Variants in LEKR1 observed in about 807,000 individuals in gnomAD.
The protein encoded by LEKR1 is protein LEKR1.
LEKR1 carries 59 observed loss-of-function variants against 72.4 expected under a neutral mutation model. That is an observed-to-expected ratio of 0.82 (90% CI 0.66 to 1.01). LEKR1 has a LOEUF of 1.01. Among genes scored for constraint, LEKR1 ranks in the 50% least tolerant of loss-of-function variants. The pLI is 0.00. For missense variants in LEKR1, 728 were observed against 759.2 expected (o/e 0.96, Z 0.48); for synonymous variants, 257 against 263.2 (o/e 0.98, Z 0.23).
chr3:156,894,271 T>C lies in LEKR1; in HGVS notation c.264-26304T>C, dbSNP rs149440433. ...TTGCTGATACTTTCTGATACCCTAT[T>C]GAAGTGAACAACACTTTAAATAAAA... On this transcript the variant is annotated intron_variant, in intron 3 of 12. Transcript: ENST00000356539. Among the ~76,000 whole-genome samples, 437 of 152,280 alleles carry C rather than the reference T, an allele frequency of 2.9e-3. 1 individual carries two copies. Among genetic ancestry groups the C allele is most frequent in the African/African-American group, 0.01 (416 of 41,554 alleles).
rs1724831112 is a variant in LEKR1 at position 156,927,519 on chromosome 3, A to T, written c.474A>T (p.Glu158Asp). Residue 158 changes from glutamate (E) to aspartate (D), a missense_variant, in exon 5 of 13, where the codon GAA becomes GAT. Glu to Asp is a conservative substitution (Grantham distance 45). Transcript: ENST00000356539. ...GGGAACTAACCAGTATTAAAAATGAAGTATATGATAATTACCAAAACTGGA... is the reference window on the plus strand; with the variant it reads ...GGGAACTAACCAGTATTAAAAATGATGTATATGATAATTACCAAAACTGGA... ...TKRELTSIKN[E>D]VYDNYQNWTS... 8.2e-7 allele frequency: 1 copy of T among 1,216,610 alleles called. No individual in the cohort carries two copies. Among genetic ancestry groups the T allele is most frequent in the Admixed American group, 3.1e-5 (1 of 32,356 alleles). 75.4% of individuals were successfully genotyped at this position (1,216,610 alleles called of 1,614,324 possible).
chr3:157,000,871 A>T (rs1019782124), intron 9 of LEKR1, among the ~76,000 whole-genome samples: 2 of 152,190 alleles, frequency 1.3e-5, no homozygotes, highest in Admixed American at 6.5e-5. Flanking sequence ...AGGTGGAGGT[A>T]ATTGAATCGT....
chr3:156,852,185 G>C (rs1715450471), intron 2 of LEKR1: 1 of 152,140 alleles, frequency 6.6e-6, no homozygotes, highest in Non-Finnish European at 1.5e-5. Flanking sequence ...TCTGTAAAAT[G>C]GGTATAACCG....
chr3:156,848,700 A>G (rs921133135), intron 2 of LEKR1, among the ~76,000 whole-genome samples: 4 of 152,186 alleles, frequency 2.6e-5, no homozygotes, highest in African/African-American at 4.8e-5. Context: ...GTGATATGAC[A>G]TGCTGTGGAG....
intron 9 of LEKR1, among the ~76,000 whole-genome samples, chr3:157,008,426 T>A (rs888664555): frequency 6.6e-6 from 1 of 152,248 alleles, no homozygotes; most frequent in Admixed American, 6.5e-5. Context: ...GTAGATACAT[T>A]GAAGGTTTGT....
intron 6 of LEKR1, among the ~76,000 whole-genome samples, chr3:156,975,798 A>T (rs2107996014): frequency 6.6e-6 from 1 of 152,316 alleles, no homozygotes; most frequent in African/African-American, 2.4e-5. Flanking sequence ...TTACTGTTGT[A>T]AATTTTTTAT....
intron 9 of LEKR1, among the ~76,000 whole-genome samples, chr3:157,001,700 C>G (rs1213947856): frequency 6.6e-6 from 1 of 152,158 alleles, no homozygotes; most frequent in Non-Finnish European, 1.5e-5. Flanking sequence ...ATATGCAAAG[C>G]AAAGACAGCA....
chr3:156,889,706 G>T (rs988315459), intron 3 of LEKR1, among the ~76,000 whole-genome samples: 2 of 152,124 alleles, frequency 1.3e-5, no homozygotes, highest in African/African-American at 4.8e-5. Context: ...AACATTTGTG[G>T]TTTTTAGCTG....
At chr3:157,028,610 G>A (rs1244133836) in intron 12 of LEKR1, among the ~76,000 whole-genome samples, 1 of 152,054 alleles carries the variant, frequency 6.6e-6, no homozygotes, top group African/African-American at 2.4e-5. Context: ...CTCCAGACCT[G>A]GCTTTCCTGT....
At chr3:156,929,162 AC>A (rs1361750260) in intron 5 of LEKR1, among the ~76,000 whole-genome samples, 1 of 151,796 alleles carries the variant, frequency 6.6e-6, no homozygotes, top group African/African-American at 2.4e-5. Context: ...CACTGGATGG[AC>A]TTTTTTTTTT....
At chr3:156,934,000 A>G (rs1725480596) in intron 5 of LEKR1, among the ~76,000 whole-genome samples, 1 of 152,240 alleles carries the variant, frequency 6.6e-6, no homozygotes, top group South Asian at 2.1e-4. Context: ...AGGGTCTCCC[A>G]AACAAGTAGC....
In LEKR1 at chr3:157,028,482, C is replaced by A. The variant is rs1734369527; in HGVS notation, c.1668+80C>A. 1.2e-5 allele frequency: 15 copies of A among 1,242,318 alleles called. No homozygotes were observed. The South Asian group carries it at 2.4e-4, about 20-fold the overall frequency. The allele number at this position is 1,242,318 out of a possible 1,614,324, so 77.0% of individuals were successfully genotyped here. A position where few individuals can be genotyped will look rare whatever the true frequency, so the allele number is the denominator to read the frequency against. The stretch of plus-strand genomic sequence containing the variant: ...AACAAACAAACAAAAACGTGAAAGG[C>A]AGCTTAGTTTCATGGAAAGAGTCCT... On this transcript the variant is annotated intron_variant, in intron 12 of 12. Transcript: ENST00000356539.
At chr3:156,966,892 T>G (rs1305671332) in intron 6 of LEKR1, among the ~76,000 whole-genome samples, 1 of 152,182 alleles carries the variant, frequency 6.6e-6, no homozygotes, top group African/African-American at 2.4e-5. Context: ...AGGGGCAGAC[T>G]GACACCTCAC....
chr3:156,919,753 A>T (rs113323447), intron 3 of LEKR1, among the ~76,000 whole-genome samples: 24 of 152,204 alleles, frequency 1.6e-4, no homozygotes, highest in African/African-American at 4.8e-4. Context: ...TATTAGATCA[A>T]GTTTATAATG....
chr3:157,016,618 G>T (rs1367547558), intron 10 of LEKR1, among the ~76,000 whole-genome samples: 1 of 146,520 alleles, frequency 6.8e-6, no homozygotes, highest in Non-Finnish European at 1.5e-5. Context: ...TATACCAGAT[G>T]GAAATATGGA....
At chr3:156,988,564 C>G (rs1444402092) in intron 7 of LEKR1, 3 of 191,348 alleles carry the variant, frequency 1.6e-5, no homozygotes, top group Non-Finnish European at 3.6e-5. Flanking sequence ...TTTCTTGAGG[C>G]GTGTGGCTTG....
At chr3:156,844,208 T>C (rs1297804339) in intron 2 of LEKR1, among the ~76,000 whole-genome samples, 2 of 152,134 alleles carry the variant, frequency 1.3e-5, no homozygotes, top group Non-Finnish European at 2.9e-5. Context: ...CTGATATTGC[T>C]CAATAACATG....
At chr3:156,929,693 C>T (rs1036194666) in intron 5 of LEKR1, among the ~76,000 whole-genome samples, 1 of 151,990 alleles carries the variant, frequency 6.6e-6, no homozygotes, top group Admixed American at 6.6e-5. Flanking sequence ...TTTCAGAAAA[C>T]TTATGTTAAA....
At chr3:156,975,942 T>C (rs531446406) in intron 6 of LEKR1, among the ~76,000 whole-genome samples, 7 of 152,310 alleles carry the variant, frequency 4.6e-5, no homozygotes, top group African/African-American at 1.7e-4. Flanking sequence ...GTCGAATTTC[T>C]TTAACTATAG....
Sources: allele counts gnomAD v4.1 joint callset (sites outside exome capture counted in the v4.1 genomes callset), GRCh38; gene constraint gnomAD v4.1.1; transcripts MANE v1.5; gene names NCBI Gene and HGNC (gene_info 2026-07-23, HGNC 2026-07-21).